ZFYVE9: variants seen among roughly 807,000 people sequenced by gnomAD.
ZFYVE9 encodes the protein zinc finger FYVE-type containing 9.
In ZFYVE9, 43 loss-of-function variants were observed where a neutral mutation model predicts 126.7. That is an observed-to-expected ratio of 0.34 (90% confidence interval 0.27 to 0.44). ZFYVE9 has a LOEUF of 0.44. Among genes scored for constraint, ZFYVE9 ranks in the 20% least tolerant of loss-of-function variants. The pLI is 1.00. For missense variants in ZFYVE9, 1,476 were observed against 1,697.0 expected (o/e 0.87, Z 2.29); for synonymous variants, 521 against 597.4 (o/e 0.87, Z 1.87).
chr1:52,174,808 C>A lies in ZFYVE9; in HGVS notation c.-143+32405C>A, dbSNP rs1431466071. Among the ~76,000 whole-genome samples, 23 of 152,144 alleles carry A rather than the reference C, an allele frequency of 1.5e-4. 1 individual carries two copies. The East Asian group carries it at 4.4e-3, about 29-fold the overall frequency. On this transcript the variant is annotated intron_variant, in intron 1 of 18. Transcript: ENST00000287727. Reference sequence around the variant, plus strand: ...TTTGTTGGTTTAAAGTCTGTTTTATCCGAGACTAGGATTGCAACCCCTGCC... The same window carrying A: ...TTTGTTGGTTTAAAGTCTGTTTTATACGAGACTAGGATTGCAACCCCTGCC...
At chr1:52,144,683 C>T (rs969699244) in intron 1 of ZFYVE9, among the ~76,000 whole-genome samples, 5 of 143,466 alleles carry the variant, frequency 3.5e-5, no homozygotes, top group African/African-American at 5.2e-5. Context: ...TGTCATTTTT[C>T]GTAGTAAATA....
intron 1 of ZFYVE9, among the ~76,000 whole-genome samples, chr1:52,189,137 A>G (rs1274696657): frequency 6.6e-6 from 1 of 151,338 alleles, no homozygotes; most frequent in East Asian, 1.9e-4. Flanking sequence ...GGGTTTCACC[A>G]TATTGGCCCG....
chr1:52,247,621 C>T (rs1002995286), intron 4 of ZFYVE9, among the ~76,000 whole-genome samples: 5 of 152,026 alleles, frequency 3.3e-5, no homozygotes, highest in African/African-American at 4.8e-5. Flanking sequence ...CTCAGCCTCC[C>T]GAGTAGTTGG....
At chr1:52,335,178 A>G (rs1646377668) in intron 15 of ZFYVE9, 1 of 153,478 alleles carries the variant, frequency 6.5e-6, no homozygotes, top group Admixed American at 6.5e-5. Context: ...TATGTTGACA[A>G]AAGTTAATTA....
chr1:52,280,034 C>A (rs1645786470), intron 9 of ZFYVE9, among the ~76,000 whole-genome samples: 1 of 151,972 alleles, frequency 6.6e-6, no homozygotes, highest in African/African-American at 2.4e-5. Flanking sequence ...AATGAATTTG[C>A]TTGAAATTTC....
chr1:52,173,120 A>G (rs1421593525), intron 1 of ZFYVE9, among the ~76,000 whole-genome samples: 40 of 151,960 alleles, frequency 2.6e-4, no homozygotes, highest in Admixed American at 2.6e-3. Flanking sequence ...CCCATTCAGT[A>G]TGATATTGGC....
At chr1:52,187,713 A>G (rs111463003) in intron 1 of ZFYVE9, among the ~76,000 whole-genome samples, 3 of 152,236 alleles carry the variant, frequency 2.0e-5, no homozygotes, top group Non-Finnish European at 4.4e-5. Flanking sequence ...GCTCACCATC[A>G]CTGATCATTA....
chr1:52,262,088 A>G (rs1456697149), intron 4 of ZFYVE9, among the ~76,000 whole-genome samples: 3 of 152,228 alleles, frequency 2.0e-5, no homozygotes, highest in African/African-American at 7.2e-5. Flanking sequence ...GATTTGTTAC[A>G]GTCTGGAGCC....
intron 1 of ZFYVE9, among the ~76,000 whole-genome samples, chr1:52,178,713 CA>C (rs1644665043): frequency 6.6e-6 from 1 of 152,108 alleles, no homozygotes; most frequent in Non-Finnish European, 1.5e-5. Flanking sequence ...ACAGGGTTAT[CA>C]TTGGGGAAAC....
At chr1:52,168,234 T>A (rs1475435869) in intron 1 of ZFYVE9, among the ~76,000 whole-genome samples, 5 of 145,202 alleles carry the variant, frequency 3.4e-5, no homozygotes, top group Admixed American at 1.4e-4. Context: ...TTTTTTTTTT[T>A]TTGACAGAGT....
intron 3 of ZFYVE9, among the ~76,000 whole-genome samples, chr1:52,233,867 G>T (rs888141804): frequency 2.6e-5 from 4 of 152,124 alleles, no homozygotes; most frequent in African/African-American, 9.7e-5. Flanking sequence ...TGGAACCTCT[G>T]CCTCCCTGGC....
intron 14 of ZFYVE9, 137 bp downstream of exon 14, chr1:52,333,055 C>T: frequency 4.1e-6 from 5 of 1,209,508 alleles, no homozygotes; most frequent in Non-Finnish European, 5.8e-6. Context: ...CAACCATATT[C>T]TTCAGGATTA....
intron 13 of ZFYVE9, among the ~76,000 whole-genome samples, chr1:52,310,794 T>C (rs1185629340): frequency 6.6e-6 from 1 of 152,248 alleles, no homozygotes; most frequent in Non-Finnish European, 1.5e-5. Flanking sequence ...ACTTAAATAC[T>C]GAAGTCTCAT....
At chr1:52,345,436 A>C (rs886207845) in intron 18 of ZFYVE9, among the ~76,000 whole-genome samples, 13 of 152,222 alleles carry the variant, frequency 8.5e-5, no homozygotes, top group African/African-American at 3.1e-4. Context: ...TTATCAGGGA[A>C]TGATGAAAGG....
rs768811806 is a variant in ZFYVE9 at position 52,281,626 on chromosome 1, A to T, written c.2870-35A>T. 4 of 1,608,642 alleles carry T rather than the reference A, an allele frequency of 2.5e-6. No homozygotes were observed. In the Admixed American group the frequency reaches 6.8e-5, roughly 27 times the overall value. On this transcript the variant is annotated intron_variant, in intron 9 of 18. Coordinates refer to ENST00000287727, the MANE Select transcript of ZFYVE9 (RefSeq NM_004799.4). ...TTTTTAAGAGTAAGGATTGATAGGA[A>T]TGTCTTTATTTTTGTGTTTTTATTC...
Position 52,263,768 on chromosome 1 carries a change from CACA to C in ZFYVE9, c.2179-4_2179-2del. 5 of 1,203,938 alleles carry C rather than the reference CACA, an allele frequency of 4.2e-6. No individual in the cohort carries two copies. The highest frequency in any genetic ancestry group is 4.5e-6 in the Non-Finnish European group (4 of 880,028). The allele number at this position is 1,203,938 out of a possible 1,614,324, so 74.6% of individuals were successfully genotyped here. A position where few individuals can be genotyped will look rare whatever the true frequency, so the allele number is the denominator to read the frequency against. On this transcript the variant is annotated splice_acceptor_variant and splice_polypyrimidine_tract_variant and intron_variant, in intron 4 of 18. Coordinates refer to ENST00000287727, the MANE Select transcript of ZFYVE9 (RefSeq NM_004799.4). LOFTEE classifies it high-confidence loss of function. ...TGTGTGTTCTTCCCCCCCCCCCCCCCACAGGTTTTCTGTGCTTCCTGCTGTAGC... is the reference window on the plus strand; with the variant it reads ...TGTGTGTTCTTCCCCCCCCCCCCCCCGGTTTTCTGTGCTTCCTGCTGTAGC...
chr1:52,298,811 T>TG (rs1197131192), intron 12 of ZFYVE9, among the ~76,000 whole-genome samples: 2 of 147,256 alleles, frequency 1.4e-5, no homozygotes, highest in African/African-American at 5.1e-5. Flanking sequence ...TCAATGTTTT[T>TG]TTTTTTTTTT....
At chr1:52,338,006 C>T (rs1241346594) in intron 16 of ZFYVE9, 72 bp downstream of exon 16, 4 of 1,501,642 alleles carry the variant, frequency 2.7e-6, no homozygotes, top group East Asian at 2.4e-5. Flanking sequence ...CTGCTGTCTA[C>T]ATTGGTGTTT....
chr1:52,331,285 A>T (rs1012373274), intron 13 of ZFYVE9, among the ~76,000 whole-genome samples: 8 of 152,136 alleles, frequency 5.3e-5, no homozygotes, highest in African/African-American at 1.9e-4. Flanking sequence ...ATGGGATGAC[A>T]TGAAGGAAAA....
Sources: allele counts gnomAD v4.1 joint callset (sites outside exome capture counted in the v4.1 genomes callset), GRCh38; gene constraint gnomAD v4.1.1; transcripts MANE v1.5; gene names NCBI Gene and HGNC (gene_info 2026-07-23, HGNC 2026-07-21).